Variants in FOXJ3 observed in about 807,000 individuals in gnomAD.
FOXJ3 encodes forkhead box protein J3.
Under a neutral mutation model 76.1 loss-of-function variants are expected in FOXJ3, and 22 were observed. The observed-to-expected ratio is 0.29, with a 90% CI of 0.21 to 0.41. FOXJ3 has a LOEUF of 0.41. Among genes scored for constraint, FOXJ3 ranks in the 10% least tolerant of loss-of-function variants. The pLI is 1.00. For synonymous variants in FOXJ3, 269 were observed against 261.2 expected (o/e 1.03, Z -0.29); for missense variants, 613 against 762.1 (o/e 0.80, Z 2.30).
At chr1:42,207,017 G>C (rs1646874456) in intron 5 of FOXJ3, among the ~76,000 whole-genome samples, 1 of 152,000 alleles carries the variant, frequency 6.6e-6, no homozygotes, top group Non-Finnish European at 1.5e-5. Flanking sequence ...TTTTAGTAGA[G>C]ACAGGGTTCA....
intron 1 of FOXJ3, among the ~76,000 whole-genome samples, chr1:42,319,802 A>C (rs867653723): frequency 1.3e-5 from 2 of 152,212 alleles, no homozygotes; most frequent in South Asian, 4.1e-4. Context: ...AAGCTGGAAC[A>C]GGAAAGGGTG....
intron 3 of FOXJ3, among the ~76,000 whole-genome samples, chr1:42,267,050 A>C (rs1651519246): frequency 6.6e-6 from 1 of 152,236 alleles, no homozygotes. Flanking sequence ...GGTCTGCTAC[A>C]CCTGGAGAAG....
chr1:42,195,432 A>C (rs916907316), intron 7 of FOXJ3, among the ~76,000 whole-genome samples: 2 of 152,222 alleles, frequency 1.3e-5, no homozygotes, highest in Non-Finnish European at 2.9e-5. Context: ...AAACTCCACT[A>C]AGCCATAAAA....
intron 5 of FOXJ3, among the ~76,000 whole-genome samples, chr1:42,221,621 T>C (rs1273660482): frequency 1.3e-5 from 2 of 148,976 alleles, no homozygotes; most frequent in Non-Finnish European, 1.5e-5. Context: ...ACACCCACTA[T>C]TTTTTTTTTC....
chr1:42,224,561 G>A (rs1647395053), intron 5 of FOXJ3, among the ~76,000 whole-genome samples: 1 of 151,962 alleles, frequency 6.6e-6, no homozygotes, highest in Non-Finnish European at 1.5e-5. Flanking sequence ...GGCTAAGGCA[G>A]AAGAATCACT....
intron 4 of FOXJ3, among the ~76,000 whole-genome samples, chr1:42,240,737 G>A (rs1488246886): frequency 1.3e-5 from 2 of 152,116 alleles, no homozygotes; most frequent in African/African-American, 2.4e-5. Context: ...TAAATGGAAG[G>A]GATAAAACTG....
At chr1:42,329,311 A>G (rs1656020671) in intron 1 of FOXJ3, among the ~76,000 whole-genome samples, 1 of 152,234 alleles carries the variant, frequency 6.6e-6, no homozygotes. Flanking sequence ...AAAATCCTGT[A>G]CAGCAGATGC....
At chr1:42,219,472 G>T (rs138815118) in intron 5 of FOXJ3, among the ~76,000 whole-genome samples, 2 of 152,180 alleles carry the variant, frequency 1.3e-5, no homozygotes, top group Non-Finnish European at 2.9e-5. Context: ...GTCTTGGAAC[G>T]TATACCCCTC....
rs1004766018 is a variant in FOXJ3 at position 42,176,671 on chromosome 1, T to C, written c.*3039A>G. ...AAACAGTTACAAATAATGGTTGCCG[T>C]TCATCATAGAGGCAAAATATGAAAT... On this transcript the variant is annotated 3_prime_UTR_variant, in exon 13 of 13. Coordinates refer to ENST00000361346, the MANE Select transcript of FOXJ3 (RefSeq NM_014947.5). The C allele has an allele frequency of 6.6e-6, 1 of 152,642 alleles. No individual in the cohort carries two copies. Among genetic ancestry groups the C allele is most frequent in the African/African-American group, 2.4e-5 (1 of 41,448 alleles). The allele number at this position is 152,642 out of a possible 1,614,324, so 9.5% of individuals were successfully genotyped here. A position where few individuals can be genotyped will look rare whatever the true frequency, so the allele number is the denominator to read the frequency against.
rs2149114 is a variant in FOXJ3, at chr1:42,304,964, A to G, written c.44+6086T>C. On this transcript the variant is annotated intron_variant, in intron 2 of 12. Coordinates refer to ENST00000361346, the MANE Select transcript of FOXJ3 (RefSeq NM_014947.5). ...AACAAAGTTAAGAGACAAGCCACAA[A>G]ATGGCTGAAAATATCTGCAAACTAC... 3.5e-3 allele frequency among the ~76,000 whole-genome samples: 531 copies of G among 152,310 alleles called. 4 individuals carry two copies. The highest frequency in any genetic ancestry group is 0.012 in the African/African-American group (512 of 41,564).
chr1:42,324,228 GAATATATACAC>G (rs1655679251), intron 1 of FOXJ3, among the ~76,000 whole-genome samples: 1 of 119,246 alleles, frequency 8.4e-6, no homozygotes, highest in Non-Finnish European at 1.7e-5. Context: ...TAAATTCTAG[GAATATATACAC>G]ACTATATATA....
chr1:42,331,140 G>C (rs1179472578), intron 1 of FOXJ3, among the ~76,000 whole-genome samples: 1 of 152,118 alleles, frequency 6.6e-6, no homozygotes, highest in Non-Finnish European at 1.5e-5. Context: ...CAGCACTTTG[G>C]GAGGCCGAGG....
intron 2 of FOXJ3, among the ~76,000 whole-genome samples, chr1:42,287,410 T>C (rs528930008): frequency 6.6e-5 from 10 of 152,234 alleles, no homozygotes; most frequent in African/African-American, 2.4e-4. Context: ...TTCTATAAAT[T>C]CTATCTTGGA....
chr1:42,272,212 TACAAGCTAACTTC>T (rs1458843855), intron 3 of FOXJ3, among the ~76,000 whole-genome samples: 1 of 152,190 alleles, frequency 6.6e-6, no homozygotes, highest in African/African-American at 2.4e-5. Context: ...CTTCAACCAA[TACAAGCTAACTTC>T]ACAAGCTCTA....
chr1:42,285,457 G>A (rs545918692), intron 2 of FOXJ3, among the ~76,000 whole-genome samples: 12 of 151,632 alleles, frequency 7.9e-5, no homozygotes, highest in Non-Finnish European at 1.6e-4. Context: ...CTAATTACTC[G>A]AAGGAGCAAA....
chr1:42,304,829 T>C (rs1654360797), intron 2 of FOXJ3, among the ~76,000 whole-genome samples: 1 of 151,972 alleles, frequency 6.6e-6, no homozygotes, highest in South Asian at 2.1e-4. Context: ...GATGTTGGAG[T>C]GGGCAAAGAT....
chr1:42,324,019 T>C (rs1655585667), intron 1 of FOXJ3, among the ~76,000 whole-genome samples: 1 of 146,208 alleles, frequency 6.8e-6, no homozygotes, highest in Non-Finnish European at 1.5e-5. Flanking sequence ...ACTAAATATA[T>C]ATAGTATATA....
intron 1 of FOXJ3, among the ~76,000 whole-genome samples, chr1:42,325,458 G>A (rs1655773052): frequency 6.6e-6 from 1 of 152,190 alleles, no homozygotes; most frequent in African/African-American, 2.4e-5. Flanking sequence ...CAAACTAAAA[G>A]CTGTAGTCTT....
chr1:42,271,633 T>A (rs755794241), intron 3 of FOXJ3, among the ~76,000 whole-genome samples: 5 of 152,116 alleles, frequency 3.3e-5, no homozygotes, highest in Non-Finnish European at 7.4e-5. Context: ...TCAAAGTGAA[T>A]ACCATGAAAT....
Sources: allele counts gnomAD v4.1 joint callset (sites outside exome capture counted in the v4.1 genomes callset), GRCh38; gene constraint gnomAD v4.1.1; transcripts MANE v1.5; gene names NCBI Gene and HGNC (gene_info 2026-07-23, HGNC 2026-07-21).